The following IKZF2 variants were observed in gnomAD, a reference collection of about 807,000 sequenced individuals.
The protein encoded by IKZF2 is IKAROS family zinc finger 2.
IKZF2 carries 15 observed loss-of-function variants against 49.2 expected under a neutral mutation model. The ratio of observed to expected loss-of-function variants is 0.30; its 90% CI spans 0.20 to 0.47. The LOEUF (loss-of-function observed/expected upper bound fraction) is 0.47, where lower values mean the gene tolerates loss of function less well. IKZF2 is among the 20% of genes least tolerant of loss of function. The pLI is 1.00. For missense variants in IKZF2, 567 were observed against 664.6 expected (o/e 0.85, Z 1.61); for synonymous variants, 227 against 221.4 (o/e 1.03, Z -0.23).
At chr2:213,090,092 T>C (rs1006099030) in intron 4 of IKZF2, among the ~76,000 whole-genome samples, 1 of 152,156 alleles carries the variant, frequency 6.6e-6, no homozygotes, top group Non-Finnish European at 1.5e-5. Flanking sequence ...TCTTTGCCAA[T>C]GGACCTCCTG....
chr2:213,107,231 C>T (rs556433664), intron 4 of IKZF2, among the ~76,000 whole-genome samples: 141 of 152,132 alleles, frequency 9.3e-4, no homozygotes, highest in Non-Finnish European at 1.4e-3. Context: ...CTCAGAAGAC[C>T]CTTTCTCATC....
At chr2:213,150,563 G>A (rs1462778452) in intron 1 of IKZF2, among the ~76,000 whole-genome samples, 1 of 151,048 alleles carries the variant, frequency 6.6e-6, no homozygotes, top group East Asian at 1.9e-4. Context: ...ATGGCACCAC[G>A]TACTTTCAGG....
chr2:213,066,624 G>A (rs989969358), intron 4 of IKZF2, among the ~76,000 whole-genome samples: 1 of 152,062 alleles, frequency 6.6e-6, no homozygotes, highest in African/African-American at 2.4e-5. Flanking sequence ...AACTTGTGGT[G>A]ATTAAGGGGA....
chr2:213,083,385 T>C (rs1031974121), intron 4 of IKZF2, among the ~76,000 whole-genome samples: 38 of 43,828 alleles, frequency 8.7e-4, no homozygotes, highest in East Asian at 6.5e-3. Context: ...ACGGCGAACC[T>C]TTTTTTTTTT....
At chr2:213,059,039 A>G (rs570023171) in intron 4 of IKZF2, among the ~76,000 whole-genome samples, 1 of 151,958 alleles carries the variant, frequency 6.6e-6, no homozygotes, top group Admixed American at 6.6e-5. Context: ...ACATTATTTT[A>G]CAATACCACA....
At chr2:213,089,631 T>C (rs187363942) in intron 4 of IKZF2, among the ~76,000 whole-genome samples, 341 of 152,200 alleles carry the variant, frequency 2.2e-3, no homozygotes, top group Middle Eastern at 6.8e-3. Context: ...GGCTGACAGA[T>C]CATGGGCCAA....
chr2:213,110,242 A>G (rs2059657857), intron 4 of IKZF2, among the ~76,000 whole-genome samples: 1 of 151,998 alleles, frequency 6.6e-6, no homozygotes, highest in African/African-American at 2.4e-5. Flanking sequence ...TGGTTCAAAA[A>G]TCAAAAAGTA....
chr2:213,040,599 C>T (rs938844783), intron 6 of IKZF2, among the ~76,000 whole-genome samples: 3 of 151,810 alleles, frequency 2.0e-5, no homozygotes, highest in African/African-American at 7.3e-5. Context: ...AACAAGTATG[C>T]TAAATATTAT....
chr2:213,140,465 G>T (rs533222374), intron 4 of IKZF2, among the ~76,000 whole-genome samples: 112 of 151,934 alleles, frequency 7.4e-4, no homozygotes, highest in Non-Finnish European at 1.3e-3. Context: ...GGCAGAACTG[G>T]CCAATGTTTA....
chr2:213,133,803 G>T (rs758448476), intron 4 of IKZF2, among the ~76,000 whole-genome samples: 3 of 151,998 alleles, frequency 2.0e-5, no homozygotes, highest in Non-Finnish European at 2.9e-5. Context: ...GACACTGGTT[G>T]CATAAATATT....
chr2:213,147,757 G>C lies in IKZF2; in HGVS notation c.90C>G (p.Thr30=), dbSNP rs369843645. 3.1e-6 allele frequency: 5 copies of C among 1,613,884 alleles called. No homozygotes were observed. The highest frequency in any genetic ancestry group is 4.2e-6 in the Non-Finnish European group (5 of 1,179,894). ...CATGCTGTCCATTGGGTGTGCTTGAGGTGAGGTCAATTGCCATATTGGAGT... is the reference window on the plus strand; with the variant it reads ...CATGCTGTCCATTGGGTGTGCTTGACGTGAGGTCAATTGCCATATTGGAGT... ...REHSNMAIDL[T]SSTPNGQHAS... The change falls in exon 4 of 9, where the codon ACC becomes ACG. Residue 30 remains threonine (T), a synonymous_variant. Transcript: ENST00000434687.
At chr2:213,136,370 C>CAAAAAAAAAAAAAAAAAAAAAAAAAA (rs11325415) in intron 4 of IKZF2, among the ~76,000 whole-genome samples, 1 of 53,646 alleles carries the variant, frequency 1.9e-5, no homozygotes, top group Non-Finnish European at 3.4e-5. Context: ...GACACTGTCT[C>CAAAAAAAAAAAAAAAAAAAAAAAAAA]AAAAAAAAAA....
intron 6 of IKZF2, among the ~76,000 whole-genome samples, chr2:213,042,070 T>C (rs1357359865): frequency 6.6e-6 from 1 of 152,150 alleles, no homozygotes; most frequent in African/African-American, 2.4e-5. Context: ...CAACGTCCCA[T>C]AGCTAATTTG....
At chr2:213,148,872 G>A (rs888519859) in intron 2 of IKZF2, among the ~76,000 whole-genome samples, 9 of 152,196 alleles carry the variant, frequency 5.9e-5, no homozygotes, top group African/African-American at 2.2e-4. Flanking sequence ...TGTGCTGTGA[G>A]ATGGGCTAGA....
chr2:213,072,163 CA>C (rs1702776452), intron 4 of IKZF2, among the ~76,000 whole-genome samples: 1 of 152,152 alleles, frequency 6.6e-6, no homozygotes, highest in Non-Finnish European at 1.5e-5. Flanking sequence ...CCCAGCATGA[CA>C]GGGGTAAAAT....
At chr2:213,132,537 A>C (rs1029689598) in intron 4 of IKZF2, among the ~76,000 whole-genome samples, 1 of 152,226 alleles carries the variant, frequency 6.6e-6, no homozygotes, top group Non-Finnish European at 1.5e-5. Context: ...TGTGGTTCTG[A>C]GAATTCCAGA....
intron 4 of IKZF2, among the ~76,000 whole-genome samples, chr2:213,134,556 C>T (rs555636704): frequency 6.6e-6 from 1 of 152,344 alleles, no homozygotes; most frequent in East Asian, 1.9e-4. Context: ...CTAGGCACCA[C>T]TAACTTTTAT....
At chr2:213,108,007 G>A (rs532426765) in intron 4 of IKZF2, among the ~76,000 whole-genome samples, 3 of 152,226 alleles carry the variant, frequency 2.0e-5, no homozygotes, top group South Asian at 2.1e-4. Context: ...AACAACGGCC[G>A]TGAAACCCTA....
chr2:213,119,128 G>A (rs1242096246), intron 4 of IKZF2, among the ~76,000 whole-genome samples: 2 of 152,112 alleles, frequency 1.3e-5, no homozygotes, highest in Non-Finnish European at 2.9e-5. Flanking sequence ...TCAGAATCAC[G>A]CAACCCTGAA....
Sources: allele counts gnomAD v4.1 joint callset (sites outside exome capture counted in the v4.1 genomes callset), GRCh38; gene constraint gnomAD v4.1.1; transcripts MANE v1.5; gene names NCBI Gene and HGNC (gene_info 2026-07-23, HGNC 2026-07-21).